SLC7A6: variants seen among roughly 807,000 people sequenced by gnomAD.
The protein encoded by SLC7A6 is Y+L amino acid transporter 2.
Under a neutral mutation model 46.6 loss-of-function variants are expected in SLC7A6, and 29 were observed. The ratio of observed to expected loss-of-function variants is 0.62; its 90% CI spans 0.46 to 0.85. The LOEUF is 0.85. SLC7A6 is among the 40% of genes least tolerant of loss of function. The pLI, the probability that SLC7A6 is intolerant of heterozygous loss-of-function variation, is 0.00. For synonymous variants in SLC7A6, 276 were observed against 257.3 expected (o/e 1.07, Z -0.70); for missense variants, 527 against 647.6 (o/e 0.81, Z 2.02).
At chr16:68,296,908 C>T in intron 10 of SLC7A6, 98 bp downstream of exon 10, 1 of 1,334,224 alleles carries the variant, frequency 7.5e-7, no homozygotes, top group Non-Finnish European at 1.0e-6. Flanking sequence ...TCAGAATTTG[C>T]TGGAGGCCAT....
intron 8 of SLC7A6, 86 bp from the exon 9 acceptor site, chr16:68,296,278 A>T: frequency 6.7e-7 from 1 of 1,485,908 alleles, no homozygotes; most frequent in South Asian, 1.2e-5. Context: ...GTGGCATCAG[A>T]TCTAGTACTG....
chr16:68,292,968 T>A (rs1166800222), intron 7 of SLC7A6, among the ~76,000 whole-genome samples: 2 of 152,188 alleles, frequency 1.3e-5, no homozygotes. Flanking sequence ...ATAATAGTCA[T>A]CCAATAAATA....
At position 68,296,396 on chromosome 16, in the gene SLC7A6, G is replaced by A; in HGVS notation, c.1152G>A (p.Glu384=). 1 of 1,614,062 alleles carries A rather than the reference G, an allele frequency of 6.2e-7. No individual in the cohort carries two copies. Among genetic ancestry groups the A allele is most frequent in the Non-Finnish European group, 8.5e-7 (1 of 1,180,034 alleles). The part of the protein sequence containing the change: ...CTMALIYLIV[E]DVFQLINYFS... ...TGGCACTCATCTACCTCATCGTGGA[G>A]GATGTTTTCCAGCTTATCAACTACT... is the stretch of plus-strand genomic sequence containing the variant. Residue 384 remains glutamate, a synonymous_variant, in exon 9 of 11, where the codon GAG becomes GAA. Coordinates refer to ENST00000219343, the MANE Select transcript of SLC7A6 (RefSeq NM_003983.6).
chr16:68,287,169 G>C (rs1013004027), intron 3 of SLC7A6, among the ~76,000 whole-genome samples: 1 of 151,884 alleles, frequency 6.6e-6, no homozygotes, highest in African/African-American at 2.4e-5. Flanking sequence ...GTAGGGACAG[G>C]GTTTCTCCAT....
rs1014722910 is a variant in SLC7A6, at chr16:68,297,588, T to C, written c.*260T>C. 7.5e-6 allele frequency: 3 copies of C among 398,230 alleles called. No individual in the cohort carries two copies. The highest frequency in any genetic ancestry group is 4.2e-5 in the Admixed American group (1 of 23,626). 24.7% of individuals were successfully genotyped at this position (398,230 alleles called of 1,614,324 possible). A position where few individuals can be genotyped will look rare whatever the true frequency, so the allele number is the denominator to read the frequency against. On this transcript the variant is annotated 3_prime_UTR_variant, in exon 11 of 11. Coordinates refer to ENST00000219343, the MANE Select transcript of SLC7A6 (RefSeq NM_003983.6). ...GTCATTTAGTTTTACTCCTGATAGG[T>C]AGATGCAGCTCTTACAGATATTTAC...
intron 5 of SLC7A6, chr16:68,290,853 C>T (rs561443699): frequency 3.8e-4 from 184 of 479,570 alleles, no homozygotes; most frequent in African/African-American, 3.0e-3. Context: ...CACTACAGCC[C>T]GCAGAACCAA....
At position 68,297,652 on chromosome 16, in the gene SLC7A6, A is replaced by C. The variant is rs2043197475; in HGVS notation, c.*324A>C. ...GTGGGGAAGAGGGAATGCTAGGTTG[A>C]TAGGGCTGGTGGCTTCTGAATTTGG... On this transcript the variant is annotated 3_prime_UTR_variant, in exon 11 of 11. Coordinates refer to ENST00000219343, the MANE Select transcript of SLC7A6 (RefSeq NM_003983.6). 4.7e-6 allele frequency: 1 copy of C among 212,828 alleles called. No homozygotes were observed. Among genetic ancestry groups the C allele is most frequent in the Non-Finnish European group, 9.3e-6 (1 of 106,980 alleles). 13.2% of individuals were successfully genotyped at this position (212,828 alleles called of 1,614,324 possible).
intron 7 of SLC7A6, 140 bp downstream of exon 7, chr16:68,291,801 T>TGTGTGTGTGTG (rs1555532343): frequency 3.8e-4 from 118 of 310,490 alleles, no homozygotes; most frequent in Middle Eastern, 2.7e-3. Context: ...GTGTGTGTGT[T>TGTGTGTGTGTG]TGGTATGTGG....
At chr16:68,296,305 G>C in intron 8 of SLC7A6, 59 bp from the exon 9 acceptor site, 1 of 1,602,028 alleles carries the variant, frequency 6.2e-7, no homozygotes, top group Non-Finnish European at 8.5e-7. Flanking sequence ...GGGTGGGGGA[G>C]TCTCCTGGGG....
chr16:68,266,391 C>T (rs1358037277), intron 1 of SLC7A6, among the ~76,000 whole-genome samples: 1 of 152,160 alleles, frequency 6.6e-6, no homozygotes, highest in Non-Finnish European at 1.5e-5. Flanking sequence ...TCAGTTATAC[C>T]CACCCTGTGG....
intron 3 of SLC7A6, among the ~76,000 whole-genome samples, chr16:68,283,632 G>C (rs970588194): frequency 1.3e-5 from 2 of 152,128 alleles, no homozygotes; most frequent in African/African-American, 4.8e-5. Flanking sequence ...CTGCCACAGA[G>C]ACTTTGGGGA....
At chr16:68,270,997 G>A (rs974305901) in intron 2 of SLC7A6, among the ~76,000 whole-genome samples, 5 of 151,656 alleles carry the variant, frequency 3.3e-5, no homozygotes, top group Non-Finnish European at 5.9e-5. Context: ...TAGCTGGCAT[G>A]TGCCACCGTG....
In SLC7A6 at chr16:68,274,705, A is replaced by G. The variant is rs1164566516; in HGVS notation, c.-22A>G. 2.5e-6 allele frequency: 4 copies of G among 1,612,498 alleles called. No individual in the cohort carries two copies. The highest frequency in any genetic ancestry group is 8.5e-7 in the Non-Finnish European group (1 of 1,178,716). ...TTCTTTGCCAGGCCACAGCAAACAC[A>G]GGTGTGCAGGAACCGTTTGTCATGG... On this transcript the variant is annotated 5_prime_UTR_variant, in exon 3 of 11. Transcript: ENST00000219343.
chr16:68,284,631 C>A, intron 3 of SLC7A6: 1 of 985,204 alleles, frequency 1.0e-6, no homozygotes, highest in Non-Finnish European at 1.2e-6. Context: ...GGAGAAGGAT[C>A]AGAAGTGAGA....
Position 68,299,424 on chromosome 16 carries a change from CCT to C in SLC7A6, c.*2099_*2100del, listed in dbSNP as rs572957881. The C allele has an allele frequency of 5.8e-4, 88 of 152,692 alleles. No homozygotes were observed. The highest frequency in any genetic ancestry group is 1.9e-3 in the African/African-American group (78 of 41,534). 9.5% of individuals were successfully genotyped at this position (152,692 alleles called of 1,614,324 possible). A position where few individuals can be genotyped will look rare whatever the true frequency, so the allele number is the denominator to read the frequency against. The stretch of plus-strand genomic sequence containing the variant: ...TTTTGGATGGTGACAGCATTTTTCC[CCT>C]CTGTGCTGGATACAGACTTCTCCCA... On this transcript the variant is annotated 3_prime_UTR_variant, in exon 11 of 11. Coordinates refer to ENST00000219343, the MANE Select transcript of SLC7A6 (RefSeq NM_003983.6).
rs749147688 is a variant in SLC7A6, at chr16:68,287,866, G to A, written c.644G>A (p.Cys215Tyr). 6.2e-7 allele frequency: 1 copy of A among 1,613,848 alleles called. No individual in the cohort carries two copies. Among genetic ancestry groups the A allele is most frequent in the Non-Finnish European group, 8.5e-7 (1 of 1,179,814 alleles). The change falls in exon 4 of 11, where the codon TGC becomes TAC. Residue 215 changes from cysteine to tyrosine, a missense_variant. Physicochemically the swap from Cys to Tyr is radical, Grantham distance 194. Coordinates refer to ENST00000219343, the MANE Select transcript of SLC7A6 (RefSeq NM_003983.6). ...AIIVMGLVKL[C>Y]QGHSEHFQDA... is the part of the protein sequence containing the mutation. ...ATTGTCATGGGCCTTGTTAAACTGTGCCAGGGTAAGTGGTGGGAAGGGGGG... is the reference window on the plus strand; with the variant it reads ...ATTGTCATGGGCCTTGTTAAACTGTACCAGGGTAAGTGGTGGGAAGGGGGG...
intron 7 of SLC7A6, chr16:68,292,870 T>C (rs1176227746): frequency 6.6e-6 from 1 of 152,282 alleles, no homozygotes; most frequent in East Asian, 1.9e-4. Context: ...CCATGGCTTC[T>C]ATGACATAAG....
At position 68,301,221 on chromosome 16, in the gene SLC7A6, G is replaced by A. The variant is rs2043266563; in HGVS notation, c.*3893G>A. The A allele has an allele frequency of 1.5e-5, 24 of 1,584,764 alleles. No homozygotes were observed. Among genetic ancestry groups the A allele is most frequent in the Non-Finnish European group, 2.1e-5 (24 of 1,162,178 alleles). On this transcript the variant is annotated 3_prime_UTR_variant, in exon 11 of 11. Coordinates refer to ENST00000219343, the MANE Select transcript of SLC7A6 (RefSeq NM_003983.6). ...GGATGTCAGCAGGGCAGTTAACTCT[G>A]GACTCAGAGCCCTCAAGGGCATGTG... is the stretch of plus-strand genomic sequence containing the variant.
chr16:68,296,845 C>A, intron 10 of SLC7A6, 35 bp downstream of exon 10: 1 of 1,610,020 alleles, frequency 6.2e-7, no homozygotes, highest in Non-Finnish European at 8.5e-7. Context: ...TCACTGGCGG[C>A]TATGTGTGCA....
Sources: allele counts gnomAD v4.1 joint callset (sites outside exome capture counted in the v4.1 genomes callset), GRCh38; gene constraint gnomAD v4.1.1; transcripts MANE v1.5; gene names NCBI Gene and HGNC (gene_info 2026-07-23, HGNC 2026-07-21).